The following CDK19 variants were observed in gnomAD, a reference collection of about 807,000 sequenced individuals.
CDK19 encodes cyclin dependent kinase 19.
CDK19 carries 20 observed loss-of-function variants against 68.3 expected under a neutral mutation model. The ratio of observed to expected loss-of-function variants is 0.29; its 90% confidence interval spans 0.21 to 0.43. CDK19 has a LOEUF of 0.43. Among genes scored for constraint, CDK19 ranks in the 20% least tolerant of loss-of-function variants. CDK19 has a pLI of 1.00. For synonymous variants in CDK19, 221 were observed against 222.8 expected (o/e 0.99, Z 0.07); for missense variants, 339 against 623.5 (o/e 0.54, Z 4.86).
chr6:110,638,775 GTTC>G (rs1472881628), intron 4 of CDK19, 69 bp from the exon 5 acceptor site: 2 of 828,766 alleles, frequency 2.4e-6, no homozygotes, highest in Non-Finnish European at 4.0e-6. Context: ...ATGGAGAAAA[GTTC>G]TTATCATATA....
At chr6:110,814,395 G>A (rs1387084742) in intron 1 of CDK19, among the ~76,000 whole-genome samples, 3 of 152,242 alleles carry the variant, frequency 2.0e-5, no homozygotes, top group Non-Finnish European at 4.4e-5. Context: ...GAGAAACCCG[G>A]GACGCCGGGC....
At chr6:110,731,299 A>T (rs990388542) in intron 2 of CDK19, among the ~76,000 whole-genome samples, 6 of 152,216 alleles carry the variant, frequency 3.9e-5, no homozygotes, top group Non-Finnish European at 8.8e-5. Context: ...AAGGAAAAAC[A>T]ATCTTCACAA....
At chr6:110,785,726 A>G (rs1333115365) in intron 1 of CDK19, among the ~76,000 whole-genome samples, 8 of 152,124 alleles carry the variant, frequency 5.3e-5, no homozygotes, top group Non-Finnish European at 1.2e-4. Flanking sequence ...CACACCTGTA[A>G]TCCCAGTACT....
At chr6:110,687,634 G>T (rs529152673) in intron 2 of CDK19, among the ~76,000 whole-genome samples, 17 of 152,274 alleles carry the variant, frequency 1.1e-4, no homozygotes, top group Middle Eastern at 3.4e-3. Context: ...TGAAGTAAAT[G>T]ATTTCTTTTA....
At chr6:110,796,806 G>A (rs1781967389) in intron 1 of CDK19, among the ~76,000 whole-genome samples, 1 of 148,882 alleles carries the variant, frequency 6.7e-6, no homozygotes, top group Admixed American at 6.7e-5. Flanking sequence ...TCAGAAGTTC[G>A]AGACCAGCCT....
rs143312175 is a variant in CDK19, at chr6:110,678,754, A to G, written c.205-8213T>C. ...TTGTTAGGGGCACATCCTTTCAGTT[A>G]CCTGATTCTGATTCTAGAGAAGCTA... is the stretch of plus-strand genomic sequence containing the variant. On this transcript the variant is annotated intron_variant, in intron 2 of 12. Transcript: ENST00000368911. Among the ~76,000 whole-genome samples the G allele has an allele frequency of 2.6e-4, 39 of 152,324 alleles. No individual in the cohort carries two copies. The East Asian group carries it at 6.2e-3, about 24-fold the overall frequency.
chr6:110,670,134 G>A (rs930598460), intron 3 of CDK19, among the ~76,000 whole-genome samples: 3 of 152,010 alleles, frequency 2.0e-5, no homozygotes, highest in Non-Finnish European at 4.4e-5. Flanking sequence ...TCCAGCCTGG[G>A]CAACAAGAGC....
chr6:110,649,219 G>A (rs1780817117), intron 4 of CDK19, among the ~76,000 whole-genome samples: 2 of 151,930 alleles, frequency 1.3e-5, no homozygotes, highest in Non-Finnish European at 2.9e-5. Flanking sequence ...GACCCTCAAT[G>A]GAATCATGAT....
chr6:110,641,061 A>G (rs1017757872), intron 4 of CDK19, among the ~76,000 whole-genome samples: 4 of 152,190 alleles, frequency 2.6e-5, no homozygotes, highest in Non-Finnish European at 5.9e-5. Flanking sequence ...AGTTATTATC[A>G]CCAGAGTGTG....
intron 1 of CDK19, among the ~76,000 whole-genome samples, chr6:110,758,561 T>C (rs1562264242): frequency 1.3e-5 from 2 of 152,186 alleles, no homozygotes; most frequent in Admixed American, 6.5e-5. Flanking sequence ...GAACTAAACA[T>C]GTTACCAAAA....
chr6:110,734,519 T>TGCTC (rs1554214752), intron 2 of CDK19, among the ~76,000 whole-genome samples: 3 of 19,310 alleles, frequency 1.6e-4, no homozygotes, highest in East Asian at 6.4e-4. Context: ...GGGTGAGCAC[T>TGCTC]GCTCTCTCTC....
intron 2 of CDK19, among the ~76,000 whole-genome samples, chr6:110,691,269 T>C (rs1772960855): frequency 1.3e-5 from 2 of 152,162 alleles, no homozygotes; most frequent in African/African-American, 4.8e-5. Flanking sequence ...AGTCAGGAGT[T>C]CGAGACCAGC....
chr6:110,692,122 A>T (rs139920927), intron 2 of CDK19, among the ~76,000 whole-genome samples: 2,094 of 151,422 alleles, frequency 0.014, 21 homozygotes, highest in Non-Finnish European at 0.021. Flanking sequence ...GATGAAACCC[A>T]GTCTCTACTA....
chr6:110,719,890 C>T (rs553313782), intron 2 of CDK19, among the ~76,000 whole-genome samples: 3 of 151,780 alleles, frequency 2.0e-5, no homozygotes, highest in African/African-American at 7.2e-5. Flanking sequence ...GCCACCATGT[C>T]CAGCTAATTT....
chr6:110,610,387 T>G lies in CDK19; in HGVS notation c.*4148A>C, dbSNP rs1328037718. On this transcript the variant is annotated 3_prime_UTR_variant, in exon 13 of 13. Transcript: ENST00000368911. ...AAGGACACCTTCAGTCCAGATTTTGTGTAATACTTTTAGTGTCTACACAGA... is the reference window on the plus strand; with the variant it reads ...AAGGACACCTTCAGTCCAGATTTTGGGTAATACTTTTAGTGTCTACACAGA... 6.6e-6 allele frequency: 1 copy of G among 152,630 alleles called. No individual in the cohort carries two copies. Among genetic ancestry groups the G allele is most frequent in the African/African-American group, 2.4e-5 (1 of 41,444 alleles). 9.5% of individuals were successfully genotyped at this position (152,630 alleles called of 1,614,324 possible).
At chr6:110,696,627 G>GA (rs1773507623) in intron 2 of CDK19, among the ~76,000 whole-genome samples, 1 of 152,174 alleles carries the variant, frequency 6.6e-6, no homozygotes, top group African/African-American at 2.4e-5. Context: ...TCCCAGATCT[G>GA]ATAAATTCAC....
intron 2 of CDK19, among the ~76,000 whole-genome samples, chr6:110,726,728 A>T (rs1776341818): frequency 6.6e-6 from 1 of 152,190 alleles, no homozygotes; most frequent in Non-Finnish European, 1.5e-5. Flanking sequence ...GCCTACAGAG[A>T]GCTGGGCTTT....
chr6:110,639,073 C>T (rs1344321595), intron 4 of CDK19, among the ~76,000 whole-genome samples: 3 of 152,122 alleles, frequency 2.0e-5, no homozygotes, highest in Non-Finnish European at 2.9e-5. Context: ...ACAACATAAT[C>T]GCCTTCATAT....
Position 110,614,423 on chromosome 6 carries a change from T to C in CDK19, c.*112A>G. On this transcript the variant is annotated 3_prime_UTR_variant, in exon 13 of 13. Coordinates refer to ENST00000368911, the MANE Select transcript of CDK19 (RefSeq NM_015076.5). ...CAGTATATAAGGTTTTCCTCCCATG[T>C]GTATGAGTTTTAAATGGCATCATAG... The C allele has an allele frequency of 1.1e-6, 1 of 928,368 alleles. No homozygotes were observed. Among genetic ancestry groups the C allele is most frequent in the Non-Finnish European group, 1.6e-6 (1 of 615,302 alleles). The allele number at this position is 928,368 out of a possible 1,614,324, so 57.5% of individuals were successfully genotyped here. A position where few individuals can be genotyped will look rare whatever the true frequency, so the allele number is the denominator to read the frequency against.
Sources: gnomAD v4.1 joint callset for allele counts (sites outside exome capture counted in the v4.1 genomes callset) on GRCh38, gnomAD v4.1.1 for gene constraint, MANE v1.5 for transcripts, NCBI Gene and HGNC (gene_info 2026-07-23, HGNC 2026-07-21) for gene names.